Variants in RYR1 observed in about 807,000 individuals in gnomAD.
RYR1 encodes ryanodine receptor 1.
A neutral mutation model predicts 583.5 loss-of-function variants in RYR1; 342 were observed. That is an observed-to-expected ratio of 0.59 (90% CI 0.54 to 0.64). The LOEUF is 0.64. Among genes scored for constraint, RYR1 ranks in the 30% least tolerant of loss-of-function variants. The pLI, the probability that RYR1 is intolerant of heterozygous loss-of-function variation, is 0.00. For synonymous variants in RYR1, 2,791 were observed against 2,822.5 expected (o/e 0.99, Z 0.35); for missense variants, 6,032 against 6,917.2 (o/e 0.87, Z 4.54).
At chr19:38,460,235 A>G in intron 19 of RYR1, 140 bp from the exon 20 acceptor site, 1 of 772,512 alleles carries the variant, frequency 1.3e-6, no homozygotes, top group Non-Finnish European at 2.3e-6. Flanking sequence ...AATGACCTCC[A>G]GGACACTATG....
chr19:38,537,201 C>T (rs958610567), intron 83 of RYR1: 2 of 262,924 alleles, frequency 7.6e-6, no homozygotes, highest in Non-Finnish European at 1.5e-5. Flanking sequence ...AATTGGTTGC[C>T]TCCGGCATCC....
chr19:38,502,585 T>A lies in RYR1; in HGVS notation c.7693T>A (p.Cys2565Ser). 6.2e-7 allele frequency: 1 copy of A among 1,612,474 alleles called. No individual in the cohort carries two copies. Among genetic ancestry groups the A allele is most frequent in the Non-Finnish European group, 8.5e-7 (1 of 1,179,894 alleles). The change falls in exon 48 of 106, where the codon TGT becomes AGT. Residue 2565 changes from cysteine (C) to serine (S), a missense_variant. Transcript: ENST00000359596. The stretch of plus-strand genomic sequence containing the variant: ...GGCCGTGCTGCCGCTCATCACCAAG[T>A]GTGCGCCGCTCTTTGCGGGCACAGA... The part of the protein sequence containing the change: ...CLAVLPLITK[C>S]APLFAGTEHR...
At chr19:38,574,726 C>T (rs1055537937) in intron 96 of RYR1, among the ~76,000 whole-genome samples, 2 of 151,962 alleles carry the variant, frequency 1.3e-5, no homozygotes, top group African/African-American at 4.8e-5. Context: ...TCAATCATCG[C>T]TCCACCCTCT....
chr19:38,543,720 G>C lies in RYR1; in HGVS notation c.11908-51G>C. Reference sequence around the variant, plus strand: ...GAGGGGGTCCCGCATCGTGATCCCTGATCCCTTCTCGGGGATTCCCTTCCC... The same window carrying C: ...GAGGGGGTCCCGCATCGTGATCCCTCATCCCTTCTCGGGGATTCCCTTCCC... On this transcript the variant is annotated intron_variant, in intron 86 of 105. Coordinates refer to ENST00000359596, the MANE Select transcript of RYR1 (RefSeq NM_000540.3). The surrounding 1 kb of genome is among the most constrained non-coding windows in gnomAD (Gnocchi z 4.4). 3 of 1,611,420 alleles carry C rather than the reference G, an allele frequency of 1.9e-6. No individual in the cohort carries two copies. Among genetic ancestry groups the C allele is most frequent in the Non-Finnish European group, 2.5e-6 (3 of 1,179,948 alleles).
intron 42 of RYR1, among the ~76,000 whole-genome samples, chr19:38,497,288 C>T (rs983973990): frequency 6.6e-6 from 1 of 151,878 alleles, no homozygotes; most frequent in African/African-American, 2.4e-5. Context: ...CGGATCCGCA[C>T]GCTACGCTTC....
In RYR1 at chr19:38,566,958, G is replaced by A. The variant is rs554451286; in HGVS notation, c.13485G>A (p.Pro4495=). Residue 4495 remains proline (P), a synonymous_variant, in exon 92 of 106, where the codon CCG becomes CCA. Transcript: ENST00000359596. ...TCCCGCCAGAGCCAGAGCCCGAGCC[G>A]GAACCAGAGCTGGAGCCGGAGAAAG... ...EELPPEPEPE[P]EPELEPEKAD... The A allele has an allele frequency of 4.4e-5, 70 of 1,604,944 alleles. No homozygotes were observed. The highest frequency in any genetic ancestry group is 3.9e-4 in the South Asian group (35 of 89,198).
chr19:38,526,349 C>G (rs1036711298), intron 71 of RYR1, among the ~76,000 whole-genome samples: 1 of 151,666 alleles, frequency 6.6e-6, no homozygotes, highest in Non-Finnish European at 1.5e-5. Flanking sequence ...CCCCCCAGGA[C>G]CACACCAACA....
intron 4 of RYR1, 22 bp downstream of exon 4, chr19:38,443,654 G>A (rs771886394): frequency 3.0e-5 from 49 of 1,613,962 alleles, no homozygotes; most frequent in Admixed American, 3.3e-5. Flanking sequence ...CTCGGTGGGC[G>A]TGGGCAGGGG....
Position 38,565,210 on chromosome 19 carries a change from G to T in RYR1, c.12876G>T (p.Gly4292=). 1.0e-6 allele frequency: 1 copy of T among 995,818 alleles called. No individual in the cohort carries two copies. 61.7% of individuals were successfully genotyped at this position (995,818 alleles called of 1,614,324 possible). The change falls in exon 91 of 106, where the codon GGG becomes GGT. Residue 4292 remains glycine, a synonymous_variant. Transcript: ENST00000359596. This position sits in a 1 kb window ranked among gnomAD's most constrained non-coding sequence, Gnocchi z 4.7. ...LEGTAATAAA[G]ATARVVAAAG... is the part of the protein sequence containing the mutation. ...GCACGGCGGCCACGGCGGCGGCGGG[G>T]GCGACGGCGCGGGTTGTGGCGGCCG...
In RYR1 at chr19:38,565,628, G is replaced by C. The variant is rs1228010826; in HGVS notation, c.13294G>C (p.Gly4432Arg). ...EEEAVHEAGPGGADGAVAVTD... is the reference protein window; with the variant it reads ...EEEAVHEAGPRGADGAVAVTD... ...GGAGGCGGTGCACGAGGCCGGGCCGGGCGGTGCCGACGGGGCGGTGGCCGT... is the reference window on the plus strand; with the variant it reads ...GGAGGCGGTGCACGAGGCCGGGCCGCGCGGTGCCGACGGGGCGGTGGCCGT... Residue 4432 changes from glycine to arginine, a missense_variant, in exon 91 of 106, where the codon GGC becomes CGC. This residue lies in a region of RYR1 where 753 missense variants were observed against 759.6 expected (regional missense o/e 0.99). Transcript: ENST00000359596. The surrounding 1 kb of genome is among the most constrained non-coding windows in gnomAD (Gnocchi z 4.7). The C allele has an allele frequency of 7.1e-7, 1 of 1,405,796 alleles. No homozygotes were observed. Among genetic ancestry groups the C allele is most frequent in the East Asian group, 3.0e-5 (1 of 33,618 alleles). The allele number at this position is 1,405,796 out of a possible 1,614,324, so 87.1% of individuals were successfully genotyped here.
Position 38,443,616 on chromosome 19 carries a change from A to G in RYR1, c.329A>G (p.His110Arg), listed in dbSNP as rs1972798413. The stretch of plus-strand genomic sequence containing the variant: ...TATGGCCATGCCATCCTGCTCCGGC[A>G]TGCACACAGCCGCATGGTGAGTGCA... ...LLYGHAILLRHAHSRMYLSCL... is the reference protein window; with the variant it reads ...LLYGHAILLRRAHSRMYLSCL... Residue 110 changes from histidine (H) to arginine (R), a missense_variant, in exon 4 of 106, where the codon CAT becomes CGT. Around this residue, in one of 11 missense-constraint regions of RYR1, gnomAD observed 338 missense variants for 441.6 expected, o/e 0.77. Transcript: ENST00000359596. 2 of 1,614,076 alleles carry G rather than the reference A, an allele frequency of 1.2e-6. No individual in the cohort carries two copies. Among genetic ancestry groups the G allele is most frequent in the Non-Finnish European group, 1.7e-6 (2 of 1,179,980 alleles).
In RYR1 at chr19:38,455,722, C is replaced by T. The variant is rs1207390245; in HGVS notation, c.1762C>T (p.Leu588Phe). The T allele has an allele frequency of 6.2e-7, 1 of 1,612,922 alleles. No homozygotes were observed. Among genetic ancestry groups the T allele is most frequent in the Admixed American group, 1.7e-5 (1 of 60,000 alleles). Residue 588 changes from leucine (L) to phenylalanine (F), a missense_variant, in exon 16 of 106, where the codon CTC becomes TTC. This residue lies in a region of RYR1 where 2,627 missense variants were observed against 2,961.3 expected (regional missense o/e 0.89). Coordinates refer to ENST00000359596, the MANE Select transcript of RYR1 (RefSeq NM_000540.3). ...QENHIKSIIS[L>F]LDKHGRNHKV... ...GAATCACATCAAGTCCATCATCTCC[C>T]TCCTGGACAAGCATGGGAGGAACCA... is the stretch of plus-strand genomic sequence containing the variant.
At chr19:38,557,758 C>G (rs1331812672) in intron 89 of RYR1, among the ~76,000 whole-genome samples, 6 of 150,936 alleles carry the variant, frequency 4.0e-5, no homozygotes, top group Non-Finnish European at 1.5e-5. Flanking sequence ...GAGCCAAGAT[C>G]GCGTCATTGC....
chr19:38,539,625 T>G (rs1568554109), intron 84 of RYR1, among the ~76,000 whole-genome samples: 1 of 152,160 alleles, frequency 6.6e-6, no homozygotes, highest in Non-Finnish European at 1.5e-5. Flanking sequence ...GAATATGAAG[T>G]TTTGAAAATG....
At position 38,495,767 on chromosome 19, in the gene RYR1, A is replaced by AT. The variant is rs898017669; in HGVS notation, c.6549-436dup. Among the ~76,000 whole-genome samples, 443 of 147,824 alleles carry AT rather than the reference A, an allele frequency of 3.0e-3. 3 individuals carry two copies. Among genetic ancestry groups the AT allele is most frequent in the African/African-American group, 8.7e-3 (351 of 40,498 alleles). On this transcript the variant is annotated intron_variant, in intron 39 of 105. Transcript: ENST00000359596. ...CCTTCCTCCCACAGTGGCTGTAGGA[A>AT]TTTTTTTTTTTTATTTTTTGAGATG... is the stretch of plus-strand genomic sequence containing the variant.
In RYR1 at chr19:38,439,130, A is replaced by G. The variant is rs146539819; in HGVS notation, c.46-1615A>G. Among the ~76,000 whole-genome samples, 575 of 152,198 alleles carry G rather than the reference A, an allele frequency of 3.8e-3. 8 individuals are homozygous for G. The highest frequency in any genetic ancestry group is 0.013 in the African/African-American group (536 of 41,500). The stretch of plus-strand genomic sequence containing the variant: ...TCTGTTAAATGAGTGTAAGGCCCAG[A>G]GCATAAGGCCTGGGAGCCAGTAAAG... On this transcript the variant is annotated intron_variant, in intron 1 of 105. Transcript: ENST00000359596.
intron 61 of RYR1, 136 bp from the exon 62 acceptor site, chr19:38,511,936 G>C: frequency 9.6e-7 from 1 of 1,037,336 alleles, no homozygotes; most frequent in Non-Finnish European, 1.5e-6. Context: ...GAGTCTGGGG[G>C]GGTGGGGGTG....
At position 38,587,244 on chromosome 19, in the gene RYR1, C is replaced by A. The variant is rs558090507; in HGVS notation, c.15022-81C>A. The stretch of plus-strand genomic sequence containing the variant: ...CTCCAGCCTGGGCAACAGAGCAACA[C>A]CCTGTCTAAAAATATATATATATAT... On this transcript the variant is annotated intron_variant, in intron 105 of 105. Transcript: ENST00000359596. 122 of 969,308 alleles carry A rather than the reference C, an allele frequency of 1.3e-4. No homozygotes were observed. The African/African-American group carries it at 1.6e-3, about 13-fold the overall frequency. 60.0% of individuals were successfully genotyped at this position (969,308 alleles called of 1,614,324 possible). A position where few individuals can be genotyped will look rare whatever the true frequency, so the allele number is the denominator to read the frequency against.
chr19:38,478,266 GAA>G, intron 30 of RYR1, among the ~76,000 whole-genome samples, 167 bp from the exon 31 acceptor site: 1 of 151,972 alleles, frequency 6.6e-6, no homozygotes, highest in Non-Finnish European at 1.5e-5. Context: ...TCCCAGCTCC[GAA>G]GAGCTCAGTG....
Sources: gnomAD v4.1 joint callset for allele counts (sites outside exome capture counted in the v4.1 genomes callset) on GRCh38, gnomAD v4.1.1 for gene constraint, gnomAD v4.1.1 regional missense constraint, Gnocchi (gnomAD v3.1) non-coding constraint, MANE v1.5 for transcripts, NCBI Gene and HGNC (gene_info 2026-07-23, HGNC 2026-07-21) for gene names.